The following ADGRL2 variants were observed in gnomAD, a reference collection of about 807,000 sequenced individuals.
The protein encoded by ADGRL2 is adhesion G protein-coupled receptor L2, also known as calcium-independent alpha-latrotoxin receptor 2.
ADGRL2 carries 44 observed loss-of-function variants against 157.4 expected under a neutral mutation model. The ratio of observed to expected loss-of-function variants is 0.28; its 90% CI spans 0.22 to 0.36. The LOEUF (loss-of-function observed/expected upper bound fraction) is 0.36, where lower values mean the gene tolerates loss of function less well. Among genes scored for constraint, ADGRL2 ranks in the 10% least tolerant of loss-of-function variants. The probability of loss-of-function intolerance (pLI) is 1.00; values close to 1 mark genes in which losing one functional copy is unlikely to be tolerated. For missense variants in ADGRL2, 1,510 were observed against 1,768.9 expected, an observed-to-expected ratio of 0.85 and a Z score of 2.63; for synonymous variants, 585 against 624.7, an observed-to-expected ratio of 0.94 and a Z score of 0.95.
chr1:81,314,241 A>G (rs911240588), intron 1 of ADGRL2, among the ~76,000 whole-genome samples: 14 of 152,224 alleles, frequency 9.2e-5, no homozygotes, highest in Non-Finnish European at 1.3e-4. Flanking sequence ...ATACATGTGT[A>G]TCTATGTCAT....
intron 1 of ADGRL2, among the ~76,000 whole-genome samples, chr1:81,403,015 C>A (rs1055753750): frequency 6.6e-6 from 1 of 152,184 alleles, no homozygotes. Flanking sequence ...TTGCAAACAA[C>A]CTTTTATTAA....
intron 2 of ADGRL2, among the ~76,000 whole-genome samples, chr1:81,876,222 T>C (rs535323205): frequency 6.6e-6 from 1 of 152,226 alleles, no homozygotes; most frequent in South Asian, 2.1e-4. Flanking sequence ...GGAATTAAGG[T>C]TGGTTTTATT....
At chr1:81,359,455 T>C (rs558511498) in intron 1 of ADGRL2, among the ~76,000 whole-genome samples, 1 of 152,134 alleles carries the variant, frequency 6.6e-6, no homozygotes, top group Admixed American at 6.5e-5. Flanking sequence ...CAAAACTACC[T>C]TTATTTGAAA....
intron 1 of ADGRL2, among the ~76,000 whole-genome samples, chr1:81,747,014 ATG>A (rs1557615760): frequency 1.4e-5 from 2 of 139,760 alleles, no homozygotes; most frequent in Non-Finnish European, 3.2e-5. Context: ...ATACACACGT[ATG>A]TATACACGTG....
At chr1:81,504,508 T>A (rs569240639) in intron 2 of ADGRL2, among the ~76,000 whole-genome samples, 1 of 152,294 alleles carries the variant, frequency 6.6e-6, no homozygotes, top group Admixed American at 6.5e-5. Flanking sequence ...TATTTTAAAA[T>A]TTTTATTGTT....
In ADGRL2 at chr1:81,736,335, G is replaced by A. The variant is rs560811496; in HGVS notation, c.-142-25476G>A. 3.4e-4 allele frequency among the ~76,000 whole-genome samples: 52 copies of A among 152,220 alleles called. 1 individual carries two copies. Among genetic ancestry groups the A allele is most frequent in the Non-Finnish European group, 6.0e-4 (41 of 68,008 alleles). On this transcript the variant is annotated intron_variant, in intron 1 of 20. Transcript: ENST00000359929. ...TGGAGGCAGTTATAGAGAAGCACAA[G>A]AAGTAAGTAGAAGAGGTATCTCCCC... is the stretch of plus-strand genomic sequence containing the variant.
chr1:81,424,995 G>A (rs947108861), intron 1 of ADGRL2, among the ~76,000 whole-genome samples: 2 of 152,158 alleles, frequency 1.3e-5, no homozygotes, highest in Non-Finnish European at 2.9e-5. Flanking sequence ...CAGTCAAAAT[G>A]TCACCTTGTG....
intron 3 of ADGRL2, among the ~76,000 whole-genome samples, chr1:81,606,537 T>A (rs2081436007): frequency 6.6e-6 from 1 of 151,884 alleles, no homozygotes; most frequent in Non-Finnish European, 1.5e-5. Context: ...TACACTTTAG[T>A]TTATATCAAC....
chr1:81,981,717 T>G, intron 18 of ADGRL2, 91 bp from the exon 19 acceptor site: 1 of 1,011,092 alleles, frequency 9.9e-7, no homozygotes, highest in Non-Finnish European at 1.5e-6. Context: ...ATAGAGAAAG[T>G]CAACTGCTAC....
intron 1 of ADGRL2, among the ~76,000 whole-genome samples, chr1:81,341,486 CTTTTA>C (rs1662071474): frequency 6.6e-6 from 1 of 151,348 alleles, no homozygotes; most frequent in African/African-American, 2.4e-5. Context: ...TATTTTTATA[CTTTTA>C]TTTTATTGCC....
intron 1 of ADGRL2, among the ~76,000 whole-genome samples, chr1:81,728,334 G>A (rs1056402337): frequency 5.3e-5 from 8 of 151,932 alleles, no homozygotes; most frequent in Admixed American, 1.3e-4. Context: ...ATCATATTTC[G>A]GTCCACTAAG....
chr1:81,755,611 C>T (rs781612119), intron 1 of ADGRL2, among the ~76,000 whole-genome samples: 1 of 152,064 alleles, frequency 6.6e-6, no homozygotes, highest in Non-Finnish European at 1.5e-5. Flanking sequence ...TTGACCATGT[C>T]CACACAAACT....
intron 2 of ADGRL2, among the ~76,000 whole-genome samples, chr1:81,870,279 T>C (rs1463143572): frequency 1.3e-5 from 2 of 152,086 alleles, no homozygotes; most frequent in Admixed American, 6.6e-5. Flanking sequence ...AAATTTTATT[T>C]CCCACATCTA....
chr1:81,580,784 TG>T lies in ADGRL2; in HGVS notation c.-247-91del, dbSNP rs200508629. 2.1e-3 allele frequency: 319 copies of T among 152,308 alleles called. 2 individuals carry two copies. Among genetic ancestry groups the T allele is most frequent in the African/African-American group, 7.0e-3 (292 of 41,572 alleles). 9.4% of individuals were successfully genotyped at this position (152,308 alleles called of 1,614,324 possible). A position where few individuals can be genotyped will look rare whatever the true frequency, so the allele number is the denominator to read the frequency against. ...CTGTGCATTTTTCTTTGTGATTACATGCCAGTATAATACCTAATTTGCCTTT... is the reference window on the plus strand; with the variant it reads ...CTGTGCATTTTTCTTTGTGATTACATCCAGTATAATACCTAATTTGCCTTT... On this transcript the variant is annotated intron_variant, in intron 2 of 24. Coordinates refer to the ADGRL2 transcript ENST00000370721.
intron 2 of ADGRL2, among the ~76,000 whole-genome samples, chr1:81,522,599 G>A (rs1290844266): frequency 6.6e-6 from 1 of 152,090 alleles, no homozygotes; most frequent in African/African-American, 2.4e-5. Flanking sequence ...AAGAAGTTAT[G>A]TTCTATATGT....
intron 3 of ADGRL2, among the ~76,000 whole-genome samples, chr1:81,666,955 A>T (rs1242316562): frequency 2.0e-5 from 3 of 152,158 alleles, no homozygotes; most frequent in Non-Finnish European, 4.4e-5. Context: ...AACAAAAGAA[A>T]ATGTTCAGTA....
intron 1 of ADGRL2, among the ~76,000 whole-genome samples, chr1:81,318,295 G>A (rs1660251435): frequency 6.6e-6 from 1 of 152,082 alleles, no homozygotes; most frequent in Non-Finnish European, 1.5e-5. Context: ...TACATCAATT[G>A]TTACACTTCT....
At chr1:81,372,716 A>T (rs1407733464) in intron 1 of ADGRL2, among the ~76,000 whole-genome samples, 5 of 152,202 alleles carry the variant, frequency 3.3e-5, no homozygotes, top group African/African-American at 1.2e-4. Flanking sequence ...AATGTACATA[A>T]CTAGGCAGTT....
chr1:81,838,508 G>A (rs2092397519), intron 2 of ADGRL2, among the ~76,000 whole-genome samples: 2 of 152,040 alleles, frequency 1.3e-5, no homozygotes, highest in African/African-American at 2.4e-5. Flanking sequence ...AACAGGAATT[G>A]TGTTTAATAA....
Sources: allele counts gnomAD v4.1 joint callset (sites outside exome capture counted in the v4.1 genomes callset), GRCh38; gene constraint gnomAD v4.1.1; transcripts MANE v1.5; gene names NCBI Gene and HGNC (gene_info 2026-07-23, HGNC 2026-07-21).